The following RAD51B variants were observed in gnomAD, a reference collection of about 807,000 sequenced individuals.
RAD51B encodes the protein RAD51 paralog B, also known as DNA repair protein RAD51 homolog 2.
Under a neutral mutation model 42.2 loss-of-function variants are expected in RAD51B, and 38 were observed. The ratio of observed to expected loss-of-function variants is 0.90; its 90% confidence interval spans 0.70 to 1.18. The LOEUF is 1.18. Ranked by LOEUF, RAD51B falls within the 50% of genes most tolerant of loss-of-function variation. The probability of loss-of-function intolerance (pLI) is 0.00; values close to 1 mark genes in which losing one functional copy is unlikely to be tolerated. For missense variants in RAD51B, 373 were observed against 400.7 expected (o/e 0.93, Z 0.59); for synonymous variants, 154 against 145.2 (o/e 1.06, Z -0.43).
chr14:68,530,672 G>T (rs10134240), intron 10 of RAD51B, among the ~76,000 whole-genome samples: 32,069 of 151,752 alleles, frequency 0.21, 3,723 homozygotes, highest in Middle Eastern at 0.36. Flanking sequence ...TTCAAGAGCC[G>T]ATTTAAAAGA....
chr14:68,360,738 C>T (rs186276818), intron 8 of RAD51B, among the ~76,000 whole-genome samples: 93 of 152,310 alleles, frequency 6.1e-4, no homozygotes, highest in African/African-American at 2.2e-3. Flanking sequence ...AAATGTATTT[C>T]ATCAAAGTTT....
At chr14:68,153,055 A>G (rs1391383778) in intron 7 of RAD51B, among the ~76,000 whole-genome samples, 12 of 152,178 alleles carry the variant, frequency 7.9e-5, no homozygotes, top group East Asian at 3.8e-4. Flanking sequence ...TAGTGCTGCA[A>G]TGAACATACA....
chr14:68,438,542 G>T (rs949160338), intron 9 of RAD51B, among the ~76,000 whole-genome samples: 2 of 152,140 alleles, frequency 1.3e-5, no homozygotes, highest in African/African-American at 2.4e-5. Context: ...CTGCCATCAA[G>T]AATTAGGTTG....
At chr14:68,004,956 T>G (rs2075556292) in intron 7 of RAD51B, among the ~76,000 whole-genome samples, 1 of 152,030 alleles carries the variant, frequency 6.6e-6, no homozygotes, top group Non-Finnish European at 1.5e-5. Flanking sequence ...TTCTGTTTGC[T>G]GTGCAGTATA....
intron 8 of RAD51B, among the ~76,000 whole-genome samples, chr14:68,338,124 C>T (rs1757994562): frequency 6.6e-6 from 1 of 152,044 alleles, no homozygotes; most frequent in African/African-American, 2.4e-5. Flanking sequence ...AACTGAAACC[C>T]AAACTATCTT....
chr14:68,046,043 C>G (rs898487464), intron 7 of RAD51B, among the ~76,000 whole-genome samples: 1 of 152,124 alleles, frequency 6.6e-6, no homozygotes, highest in Non-Finnish European at 1.5e-5. Flanking sequence ...GCAGAAGACC[C>G]TATCTCATTC....
intron 7 of RAD51B, among the ~76,000 whole-genome samples, chr14:68,100,525 G>A (rs1477548944): frequency 2.0e-5 from 3 of 152,070 alleles, no homozygotes; most frequent in Middle Eastern, 3.4e-3. Context: ...CTTTCATTAC[G>A]GCCTGGTCTA....
intron 10 of RAD51B, among the ~76,000 whole-genome samples, chr14:68,634,816 TG>T (rs1892309703): frequency 6.6e-6 from 1 of 152,040 alleles, no homozygotes; most frequent in South Asian, 2.1e-4. Flanking sequence ...TACACCAGCT[TG>T]GGGGGCTTTG....
chr14:68,356,721 C>T (rs550542310), intron 8 of RAD51B, among the ~76,000 whole-genome samples: 4 of 151,998 alleles, frequency 2.6e-5, no homozygotes, highest in Non-Finnish European at 4.4e-5. Context: ...GTGGCTCACG[C>T]CTGTAATCCC....
intron 7 of RAD51B, among the ~76,000 whole-genome samples, chr14:68,046,775 A>G (rs10133883): frequency 0.23 from 35,539 of 151,920 alleles, 4,799 homozygotes; most frequent in Middle Eastern, 0.38. Flanking sequence ...GGTTTTCTGT[A>G]TAAAATGGGA....
chr14:68,648,104 T>G (rs10142715), intron 10 of RAD51B, among the ~76,000 whole-genome samples: 1 of 56,714 alleles, frequency 1.8e-5, no homozygotes, highest in Non-Finnish European at 3.2e-5. Flanking sequence ...TATATATATA[T>G]ACACACACGT....
intron 7 of RAD51B, among the ~76,000 whole-genome samples, chr14:68,140,772 G>A (rs1320725137): frequency 6.6e-6 from 1 of 152,204 alleles, no homozygotes; most frequent in Admixed American, 6.5e-5. Context: ...GTCTTACTGA[G>A]TTGTCTCAAT....
At chr14:68,563,292 C>T (rs952053644) in intron 10 of RAD51B, 9 of 985,318 alleles carry the variant, frequency 9.1e-6, no homozygotes, top group African/African-American at 1.7e-5. Context: ...GCCGAGCCTG[C>T]AATGGGCTTG....
At chr14:68,225,147 A>T (rs768001703) in intron 7 of RAD51B, among the ~76,000 whole-genome samples, 10 of 152,200 alleles carry the variant, frequency 6.6e-5, no homozygotes, top group Non-Finnish European at 1.5e-5. Flanking sequence ...GCAAACAGAA[A>T]ACACTGTAGG....
At chr14:67,869,180 A>C (rs1324424237) in intron 5 of RAD51B, among the ~76,000 whole-genome samples, 1 of 152,202 alleles carries the variant, frequency 6.6e-6, no homozygotes, top group Non-Finnish European at 1.5e-5. Flanking sequence ...AGAAGTTGAA[A>C]ACTTTGAAAA....
At chr14:67,893,491 C>CAAA (rs1566945218) in intron 7 of RAD51B, among the ~76,000 whole-genome samples, 6 of 76,788 alleles carry the variant, frequency 7.8e-5, no homozygotes, top group African/African-American at 3.8e-4. Flanking sequence ...CACACACACA[C>CAAA]ACACACACAC....
chr14:68,004,073 G>C (rs921035741), intron 7 of RAD51B, among the ~76,000 whole-genome samples: 2 of 152,058 alleles, frequency 1.3e-5, no homozygotes, highest in African/African-American at 4.8e-5. Flanking sequence ...ATATATTGCT[G>C]TAATCCCAGC....
chr14:68,482,176 G>GTGTGTGTGT (rs1883236114), downstream of RAD51B, among the ~76,000 whole-genome samples: 1 of 149,800 alleles, frequency 6.7e-6, no homozygotes, highest in Non-Finnish European at 1.5e-5. Flanking sequence ...ATATTTTAGG[G>GTGTGTGTGT]GTGTGTGTGT....
chr14:68,157,424 G>A (rs931083219), intron 7 of RAD51B, among the ~76,000 whole-genome samples: 2 of 152,102 alleles, frequency 1.3e-5, no homozygotes, highest in African/African-American at 2.4e-5. Context: ...TGTGAAAGAT[G>A]GGGATACTAT....
Sources: allele counts gnomAD v4.1 joint callset (sites outside exome capture counted in the v4.1 genomes callset), GRCh38; gene constraint gnomAD v4.1.1; transcripts MANE v1.5; gene names NCBI Gene and HGNC (gene_info 2026-07-23, HGNC 2026-07-21).